Variants in KLHL20 observed in about 807,000 individuals in gnomAD.
KLHL20 encodes the protein kelch like family member 20.
In KLHL20, 29 loss-of-function variants were observed where a neutral mutation model predicts 69.5. The observed-to-expected ratio is 0.42, with a 90% CI of 0.31 to 0.57. The LOEUF is 0.57. KLHL20 is among the 20% of genes least tolerant of loss of function. The probability of loss-of-function intolerance (pLI) is 0.18; values close to 1 mark genes in which losing one functional copy is unlikely to be tolerated. For synonymous variants in KLHL20, 253 were observed against 265.2 expected, an observed-to-expected ratio of 0.95 and a Z score of 0.45; for missense variants, 419 against 776.0, an observed-to-expected ratio of 0.54 and a Z score of 5.47.
intron 9 of KLHL20, 125 bp downstream of exon 9, chr1:173,774,563 C>T (rs1253349243): frequency 1.9e-6 from 2 of 1,049,588 alleles, no homozygotes; most frequent in Admixed American, 2.2e-5. Flanking sequence ...CTGATTTTTC[C>T]CTCCAGCAGA....
chr1:173,736,387 A>G (rs1351289525), intron 3 of KLHL20, among the ~76,000 whole-genome samples: 1 of 152,152 alleles, frequency 6.6e-6, no homozygotes, highest in Non-Finnish European at 1.5e-5. Context: ...GTGCTGCTAT[A>G]AACATGCACA....
At chr1:173,775,958 T>C in intron 10 of KLHL20, 116 bp downstream of exon 10, 1 of 800,050 alleles carries the variant, frequency 1.2e-6, no homozygotes, top group Admixed American at 2.5e-5. Flanking sequence ...TTGGGGTATA[T>C]ACCTAGCAGT....
At chr1:173,736,830 A>T (rs1440145324) in intron 3 of KLHL20, among the ~76,000 whole-genome samples, 1 of 152,124 alleles carries the variant, frequency 6.6e-6, no homozygotes, top group Admixed American at 6.5e-5. Context: ...TCCTGACCTC[A>T]GGTGATCTGC....
intron 6 of KLHL20, 21 bp downstream of exon 6, chr1:173,756,059 T>A: frequency 2.0e-6 from 3 of 1,493,310 alleles, no homozygotes; most frequent in Non-Finnish European, 2.8e-6. Context: ...TAATATACTG[T>A]TAGTAAATTG....
chr1:173,743,538 TAA>T (rs200554676), intron 3 of KLHL20, among the ~76,000 whole-genome samples: 9 of 148,788 alleles, frequency 6.0e-5, no homozygotes, highest in East Asian at 1.9e-4. Flanking sequence ...GTGGTGATTT[TAA>T]AAAAAAAAAA....
chr1:173,766,035 A>G (rs1647681362), intron 7 of KLHL20, 111 bp from the exon 8 acceptor site: 1 of 833,310 alleles, frequency 1.2e-6, no homozygotes, highest in Admixed American at 3.2e-5. Flanking sequence ...TAATCAGCCC[A>G]TACTTAGGGG....
intron 2 of KLHL20, among the ~76,000 whole-genome samples, chr1:173,720,625 T>A (rs1205573485): frequency 2.0e-5 from 3 of 152,100 alleles, no homozygotes; most frequent in African/African-American, 7.2e-5. Context: ...GTTGTGGTAG[T>A]TTAGATGAAA....
At chr1:173,766,068 C>A in intron 7 of KLHL20, 78 bp from the exon 8 acceptor site, 1 of 1,131,168 alleles carries the variant, frequency 8.8e-7, no homozygotes, top group Non-Finnish European at 1.2e-6. Context: ...TCATATAAAT[C>A]CATGGATTTA....
chr1:173,751,650 TTGAA>T, intron 3 of KLHL20, 110 bp from the exon 4 acceptor site: 1 of 934,514 alleles, frequency 1.1e-6, no homozygotes, highest in Non-Finnish European at 1.6e-6. Flanking sequence ...CTGGTATCGT[TTGAA>T]ACTTCAGCGC....
intron 8 of KLHL20, among the ~76,000 whole-genome samples, chr1:173,771,523 A>G (rs1468346598): frequency 2.0e-5 from 3 of 152,252 alleles, no homozygotes; most frequent in Non-Finnish European, 4.4e-5. Flanking sequence ...TGGGAACCCA[A>G]GGTAGAAGTA....
At chr1:173,782,054 A>T in intron 10 of KLHL20, 70 bp from the exon 11 acceptor site, 1 of 1,060,166 alleles carries the variant, frequency 9.4e-7, no homozygotes, top group Non-Finnish European at 1.5e-6. Context: ...AGATTTATCT[A>T]GAAACCAGTC....
chr1:173,760,184 A>C (rs1171148170), intron 7 of KLHL20, among the ~76,000 whole-genome samples: 2 of 152,202 alleles, frequency 1.3e-5, no homozygotes, highest in African/African-American at 4.8e-5. Flanking sequence ...AAAAAGAATA[A>C]GAAAATATGA....
rs1002651657 is a variant in KLHL20 at position 173,774,064 on chromosome 1, A to G, written c.1296-241A>G. Among the ~76,000 whole-genome samples, 70 of 152,118 alleles carry G rather than the reference A, an allele frequency of 4.6e-4. 1 individual carries two copies. Among genetic ancestry groups the G allele is most frequent in the Middle Eastern group, 6.8e-3 (2 of 292 alleles). On this transcript the variant is annotated intron_variant, in intron 8 of 11. Coordinates refer to ENST00000209884, the MANE Select transcript of KLHL20 (RefSeq NM_014458.4). ...AGCCTGTGTTATGTGAGCTGAAGTC[A>G]TAGGTTGTTTTCTTTCCTTGGGACA... is the stretch of plus-strand genomic sequence containing the variant.
intron 8 of KLHL20, among the ~76,000 whole-genome samples, chr1:173,767,938 A>C (rs1056604066): frequency 6.6e-6 from 1 of 152,070 alleles, no homozygotes; most frequent in Non-Finnish European, 1.5e-5. Flanking sequence ...TGGGGCACAT[A>C]ACCTGATTTT....
At chr1:173,720,090 C>G (rs971401457) in intron 2 of KLHL20, among the ~76,000 whole-genome samples, 13 of 152,052 alleles carry the variant, frequency 8.5e-5, no homozygotes, top group African/African-American at 3.1e-4. Flanking sequence ...CCACTGCACT[C>G]CAGCCCGGAT....
intron 8 of KLHL20, among the ~76,000 whole-genome samples, chr1:173,766,647 GAA>G (rs59947652): frequency 0.019 from 2,377 of 123,772 alleles, 69 homozygotes; most frequent in African/African-American, 0.061. Context: ...TATCAAGGGG[GAA>G]AAAAAAAAAA....
chr1:173,725,029 A>G (rs1393052713), intron 2 of KLHL20, among the ~76,000 whole-genome samples: 4 of 151,440 alleles, frequency 2.6e-5, no homozygotes, highest in Admixed American at 1.3e-4. Context: ...AAGTTATTTG[A>G]CTCTTCTTCT....
At chr1:173,755,898 A>AATATT in intron 5 of KLHL20, 25 bp from the exon 6 acceptor site, 1 of 1,483,270 alleles carries the variant, frequency 6.7e-7, no homozygotes. Flanking sequence ...AGATATTTGG[A>AATATT]ATAAAGGCAG....
rs181236636 is a variant in KLHL20, at chr1:173,725,703, G to T, written c.24-8010G>T. Among the ~76,000 whole-genome samples, 437 of 152,334 alleles carry T rather than the reference G, an allele frequency of 2.9e-3. 1 individual carries two copies. The highest frequency in any genetic ancestry group is 9.7e-3 in the African/African-American group (403 of 41,580). On this transcript the variant is annotated intron_variant, in intron 2 of 11. Coordinates refer to ENST00000209884, the MANE Select transcript of KLHL20 (RefSeq NM_014458.4). ...AATGCCCAACTTACAGACTTCTACA[G>T]TTTATGTATACTAGCTCCAGCCATC...
Sources: gnomAD v4.1 joint callset for allele counts (sites outside exome capture counted in the v4.1 genomes callset) on GRCh38, gnomAD v4.1.1 for gene constraint, MANE v1.5 for transcripts, NCBI Gene and HGNC (gene_info 2026-07-23, HGNC 2026-07-21) for gene names.